UNC5D: variants seen among roughly 807,000 people sequenced by gnomAD.
The protein encoded by UNC5D is netrin receptor UNC5D.
UNC5D carries 39 observed loss-of-function variants against 105.4 expected under a neutral mutation model. That is an observed-to-expected ratio of 0.37 (90% confidence interval 0.29 to 0.48). UNC5D has a LOEUF of 0.48. UNC5D is among the 20% of genes least tolerant of loss of function. UNC5D has a pLI of 0.98. For missense variants in UNC5D, 991 were observed against 1,202.4 expected (o/e 0.82, Z 2.60); for synonymous variants, 452 against 450.4 (o/e 1.00, Z -0.04).
intron 1 of UNC5D, among the ~76,000 whole-genome samples, chr8:35,547,600 G>A (rs896831763): frequency 2.6e-5 from 4 of 152,102 alleles, no homozygotes; most frequent in Non-Finnish European, 1.5e-5. Flanking sequence ...CGGCCAGTCA[G>A]AACAATCCTC....
intron 4 of UNC5D, among the ~76,000 whole-genome samples, chr8:35,665,167 A>C (rs190516507): frequency 4.6e-4 from 70 of 152,278 alleles, no homozygotes; most frequent in African/African-American, 1.6e-3. Context: ...ACTAGTTATC[A>C]ATGCTATTTT....
intron 14 of UNC5D, among the ~76,000 whole-genome samples, chr8:35,762,155 C>T (rs1801565078): frequency 6.6e-6 from 1 of 152,082 alleles, no homozygotes; most frequent in Non-Finnish European, 1.5e-5. Context: ...CCATTTTCTT[C>T]TGGGAAGGTA....
chr8:35,722,648 G>C (rs1194719710), intron 9 of UNC5D, among the ~76,000 whole-genome samples: 1 of 152,134 alleles, frequency 6.6e-6, no homozygotes, highest in African/African-American at 2.4e-5. Context: ...TTTGATGTAG[G>C]GTCAGCCTAA....
chr8:35,788,135 G>T (rs558812765), intron 16 of UNC5D, among the ~76,000 whole-genome samples: 1 of 152,234 alleles, frequency 6.6e-6, no homozygotes, highest in African/African-American at 2.4e-5. Context: ...ACTGTAAACA[G>T]GATCTTAAGA....
chr8:35,776,846 C>T (rs949714180), intron 16 of UNC5D, among the ~76,000 whole-genome samples: 3 of 152,194 alleles, frequency 2.0e-5, no homozygotes, highest in African/African-American at 4.8e-5. Flanking sequence ...GCCCGGCTCA[C>T]ATCTGTAATC....
chr8:35,619,328 T>G (rs1821214214), intron 4 of UNC5D, among the ~76,000 whole-genome samples: 1 of 152,138 alleles, frequency 6.6e-6, no homozygotes, highest in South Asian at 2.1e-4. Context: ...AGAAGCAAGA[T>G]CGGCATGGTC....
chr8:35,523,445 C>A (rs1473760366), intron 1 of UNC5D, among the ~76,000 whole-genome samples: 1 of 151,846 alleles, frequency 6.6e-6, no homozygotes, highest in Non-Finnish European at 1.5e-5. Flanking sequence ...GCAAAGATAC[C>A]CTGGTATAAG....
intron 1 of UNC5D, among the ~76,000 whole-genome samples, chr8:35,376,463 G>T (rs1266693455): frequency 2.6e-5 from 4 of 152,152 alleles, no homozygotes; most frequent in South Asian, 2.1e-4. Context: ...TAAATTGGGG[G>T]TGCCTAGCTT....
At chr8:35,301,620 GAT>G (rs1807964992) in intron 1 of UNC5D, among the ~76,000 whole-genome samples, 3 of 152,166 alleles carry the variant, frequency 2.0e-5, no homozygotes. Context: ...GGCTGCCTCT[GAT>G]TGGCTGAAAT....
intron 4 of UNC5D, among the ~76,000 whole-genome samples, chr8:35,662,399 G>C (rs913756505): frequency 6.6e-6 from 1 of 152,154 alleles, no homozygotes; most frequent in Non-Finnish European, 1.5e-5. Context: ...AAGGTTGATA[G>C]AGATTGCAAA....
chr8:35,784,028 G>A (rs1802627904), intron 16 of UNC5D, among the ~76,000 whole-genome samples: 2 of 151,978 alleles, frequency 1.3e-5, no homozygotes, highest in Admixed American at 6.6e-5. Context: ...ATTGTAAGTT[G>A]GCCTATGTCT....
intron 1 of UNC5D, among the ~76,000 whole-genome samples, chr8:35,353,079 A>C (rs1023636245): frequency 6.6e-6 from 1 of 152,216 alleles, no homozygotes; most frequent in African/African-American, 2.4e-5. Context: ...CTACATAAAA[A>C]ACATGCTCAC....
At chr8:35,271,494 T>TTTAGGTCTACATACAGGTACCTATA (rs1805328881) in intron 1 of UNC5D, among the ~76,000 whole-genome samples, 2 of 144,184 alleles carry the variant, frequency 1.4e-5, no homozygotes, top group Non-Finnish European at 3.1e-5. Flanking sequence ...GGTACCTATA[T>TTTAGGTCTACATACAGGTACCTATA]TTAGGTCTAC....
At chr8:35,722,445 G>A (rs773167233) in intron 9 of UNC5D, 50 bp downstream of exon 9, 5 of 1,576,420 alleles carry the variant, frequency 3.2e-6, no homozygotes, top group Admixed American at 1.8e-5. Context: ...CATAGACTAC[G>A]CTCACACTAG....
intron 3 of UNC5D, among the ~76,000 whole-genome samples, chr8:35,584,446 A>G (rs1323127033): frequency 6.6e-6 from 1 of 151,738 alleles, no homozygotes; most frequent in African/African-American, 2.4e-5. Context: ...ACAGAATCTC[A>G]CTCCATCTTT....
At chr8:35,425,685 C>T (rs1435046604) in intron 1 of UNC5D, among the ~76,000 whole-genome samples, 1 of 152,204 alleles carries the variant, frequency 6.6e-6, no homozygotes, top group African/African-American at 2.4e-5. Flanking sequence ...ACGTCTCTGT[C>T]ATCCTCTGGC....
intron 1 of UNC5D, among the ~76,000 whole-genome samples, chr8:35,338,951 C>A (rs1811256187): frequency 6.6e-6 from 1 of 152,136 alleles, no homozygotes; most frequent in Admixed American, 6.6e-5. Flanking sequence ...TGTTTTCACT[C>A]ATTTAGGGCA....
chr8:35,616,382 A>G (rs910983101), intron 4 of UNC5D, among the ~76,000 whole-genome samples: 1 of 152,234 alleles, frequency 6.6e-6, no homozygotes, highest in African/African-American at 2.4e-5. Context: ...GCAGAAGGGA[A>G]GAGAATGGCA....
chr8:35,236,440 C>CTTGGG (rs1316895150), intron 1 of UNC5D, among the ~76,000 whole-genome samples: 1 of 726 alleles, frequency 1.4e-3, no homozygotes, highest in Non-Finnish European at 2.8e-3. Context: ...CCCAGCCAGC[C>CTTGGG]CTGGAGCTCG....
Sources: gnomAD v4.1 joint callset for allele counts (sites outside exome capture counted in the v4.1 genomes callset) on GRCh38, gnomAD v4.1.1 for gene constraint, MANE v1.5 for transcripts, NCBI Gene and HGNC (gene_info 2026-07-23, HGNC 2026-07-21) for gene names.